Variants in PLD5 observed in about 807,000 individuals in gnomAD.
PLD5 encodes inactive phospholipase D5.
Under a neutral mutation model 61.1 loss-of-function variants are expected in PLD5, and 36 were observed. The ratio of observed to expected loss-of-function variants is 0.59; its 90% confidence interval spans 0.45 to 0.78. PLD5 has a LOEUF of 0.78. Among genes scored for constraint, PLD5 ranks in the 30% least tolerant of loss-of-function variants. The pLI, the probability that PLD5 is intolerant of heterozygous loss-of-function variation, is 0.00. For missense variants in PLD5, 515 were observed against 644.4 expected (o/e 0.80, Z 2.17); for synonymous variants, 243 against 242.8 (o/e 1.00, Z -0.01).
At position 242,265,452 on chromosome 1, in the gene PLD5, G is replaced by GA. The variant is rs1558411301; in HGVS notation, c.496-5dup. ...ACTTTTCAAAAAGACGTTGACCCTG[G>GA]AAAAAATATTCAGAGACAAAGAAAG... is the stretch of plus-strand genomic sequence containing the variant. On this transcript the variant is annotated splice_region_variant and splice_polypyrimidine_tract_variant and intron_variant, in intron 3 of 9. Transcript: ENST00000536534. 6.3e-7 allele frequency: 1 copy of GA among 1,594,988 alleles called. No homozygotes were observed.
At chr1:242,193,417 G>A (rs969020861) in intron 5 of PLD5, among the ~76,000 whole-genome samples, 1 of 152,276 alleles carries the variant, frequency 6.6e-6, no homozygotes, top group African/African-American at 2.4e-5. Context: ...GATTTAGGGT[G>A]GCTTCAGAGA....
At chr1:242,115,560 G>A (rs1451255958) in intron 6 of PLD5, among the ~76,000 whole-genome samples, 1 of 151,792 alleles carries the variant, frequency 6.6e-6, no homozygotes, top group East Asian at 1.9e-4. Context: ...TACTACACAC[G>A]CACACACACT....
At chr1:242,349,057 C>T (rs1660325127) in intron 1 of PLD5, among the ~76,000 whole-genome samples, 1 of 151,920 alleles carries the variant, frequency 6.6e-6, no homozygotes, top group Non-Finnish European at 1.5e-5. Context: ...CCATCTCAAA[C>T]AAACAAACAA....
At chr1:242,294,762 A>G (rs1413994139) in intron 2 of PLD5, among the ~76,000 whole-genome samples, 4 of 152,212 alleles carry the variant, frequency 2.6e-5, no homozygotes, top group African/African-American at 2.4e-5. Flanking sequence ...TGCTAAATGA[A>G]AGACATTTTT....
chr1:242,415,104 T>C (rs1474991350), intron 1 of PLD5, among the ~76,000 whole-genome samples: 1 of 152,216 alleles, frequency 6.6e-6, no homozygotes, highest in Non-Finnish European at 1.5e-5. Flanking sequence ...AGCGACACAC[T>C]GTTGTTGAGG....
At chr1:242,163,310 A>AT (rs1431337983) in intron 5 of PLD5, among the ~76,000 whole-genome samples, 3 of 151,608 alleles carry the variant, frequency 2.0e-5, no homozygotes, top group African/African-American at 4.9e-5. Flanking sequence ...CGCCCGGCTA[A>AT]TTTTTTGTAT....
intron 2 of PLD5, among the ~76,000 whole-genome samples, chr1:242,322,288 A>G (rs1472195488): frequency 6.6e-6 from 1 of 152,114 alleles, no homozygotes; most frequent in Non-Finnish European, 1.5e-5. Context: ...TACTCATCAA[A>G]TATGCCAGCC....
rs561053665 is a variant in PLD5, at chr1:242,162,619, C to T, written c.736-37954G>A. Among the ~76,000 whole-genome samples the T allele has an allele frequency of 9.2e-5, 14 of 152,228 alleles. No individual in the cohort carries two copies. In the South Asian group the frequency reaches 2.5e-3, roughly 27 times the overall value. The stretch of plus-strand genomic sequence containing the variant: ...GGGTTGAGATCTTAGTGATTGTCTA[C>T]GCAGAATGTTACTGTATGTGTGGTT... On this transcript the variant is annotated intron_variant, in intron 5 of 9. Coordinates refer to ENST00000536534, the MANE Select transcript of PLD5 (RefSeq NM_001372062.1).
chr1:242,175,302 C>T (rs1667061553), intron 5 of PLD5, among the ~76,000 whole-genome samples: 1 of 152,148 alleles, frequency 6.6e-6, no homozygotes, highest in South Asian at 2.1e-4. Flanking sequence ...TCAACATATG[C>T]AAATCAATAA....
intron 2 of PLD5, among the ~76,000 whole-genome samples, chr1:242,289,499 C>A (rs1211162062): frequency 6.6e-6 from 1 of 152,158 alleles, no homozygotes; most frequent in Non-Finnish European, 1.5e-5. Context: ...CAGACACCTG[C>A]CACCATGCCT....
intron 4 of PLD5, among the ~76,000 whole-genome samples, chr1:242,251,502 T>C (rs951018557): frequency 6.6e-6 from 1 of 151,222 alleles, no homozygotes; most frequent in African/African-American, 2.4e-5. Flanking sequence ...CCGAGTTCCA[T>C]ACCTGGAAGT....
At chr1:242,392,912 G>A (rs1469459817) in intron 1 of PLD5, among the ~76,000 whole-genome samples, 3 of 152,104 alleles carry the variant, frequency 2.0e-5, no homozygotes, top group African/African-American at 4.8e-5. Flanking sequence ...AGCAATAAAA[G>A]TATTTTTAGG....
At chr1:242,457,171 A>AT (rs1558581362) in intron 1 of PLD5, among the ~76,000 whole-genome samples, 1 of 152,186 alleles carries the variant, frequency 6.6e-6, no homozygotes, top group Non-Finnish European at 1.5e-5. Flanking sequence ...GGTCCAGCCT[A>AT]TTGTAGTAAA....
chr1:242,509,321 G>T (rs762158965), intron 1 of PLD5, among the ~76,000 whole-genome samples: 1 of 152,118 alleles, frequency 6.6e-6, no homozygotes, highest in Non-Finnish European at 1.5e-5. Context: ...GGAGGTTTCA[G>T]TGAGCTGAGA....
intron 5 of PLD5, among the ~76,000 whole-genome samples, chr1:242,216,653 T>C (rs1235420101): frequency 6.6e-6 from 1 of 152,214 alleles, no homozygotes; most frequent in Non-Finnish European, 1.5e-5. Context: ...CCACGACTCT[T>C]TACAGCACCT....
chr1:242,219,970 A>C lies in PLD5; in HGVS notation c.735+18T>G. The C allele has an allele frequency of 6.2e-7, 1 of 1,608,694 alleles. No individual in the cohort carries two copies. The highest frequency in any genetic ancestry group is 8.5e-7 in the Non-Finnish European group (1 of 1,175,428). On this transcript the variant is annotated intron_variant, in intron 5 of 9. Transcript: ENST00000536534. ...GAGGGTGACAGAACATTGAGTTTAC[A>C]TAACGTAGAAAGCTTACCTGTCCCA...
At chr1:242,395,206 A>T (rs1404335453) in intron 1 of PLD5, among the ~76,000 whole-genome samples, 2 of 151,618 alleles carry the variant, frequency 1.3e-5, no homozygotes, top group Non-Finnish European at 1.5e-5. Context: ...TAGAAATCAA[A>T]ATTCATTTTT....
intron 1 of PLD5, among the ~76,000 whole-genome samples, chr1:242,484,629 T>A (rs552152594): frequency 6.6e-6 from 1 of 152,124 alleles, no homozygotes; most frequent in East Asian, 1.9e-4. Flanking sequence ...CTACCAGAGG[T>A]ACAAGGAGGA....
intron 1 of PLD5, among the ~76,000 whole-genome samples, chr1:242,418,251 T>C (rs1244400240): frequency 2.0e-5 from 3 of 152,140 alleles, no homozygotes; most frequent in African/African-American, 7.2e-5. Flanking sequence ...AGACTTCCCA[T>C]TAATGAGAAG....
Sources: gnomAD v4.1 joint callset for allele counts (sites outside exome capture counted in the v4.1 genomes callset) on GRCh38, gnomAD v4.1.1 for gene constraint, MANE v1.5 for transcripts, NCBI Gene and HGNC (gene_info 2026-07-23, HGNC 2026-07-21) for gene names.